Variants in LAMA5 observed in about 807,000 individuals in gnomAD.
LAMA5 encodes the protein laminin subunit alpha 5, also known as laminin subunit alpha-5.
A neutral mutation model predicts 433.4 loss-of-function variants in LAMA5; 260 were observed. The observed-to-expected ratio is 0.60, with a 90% CI of 0.54 to 0.66. The LOEUF (loss-of-function observed/expected upper bound fraction) is 0.66, where lower values mean the gene tolerates loss of function less well. Among genes scored for constraint, LAMA5 ranks in the 30% least tolerant of loss-of-function variants. The pLI, the probability that LAMA5 is intolerant of heterozygous loss-of-function variation, is 0.00. For missense variants in LAMA5, 5,378 were observed against 5,258.5 expected (o/e 1.02, Z -0.70); for synonymous variants, 2,620 against 2,226.6 (o/e 1.18, Z -4.97).
At position 62,352,072 on chromosome 20, in the gene LAMA5, A is replaced by G. The variant is rs896680027; in HGVS notation, c.695T>C (p.Val232Ala). Residue 232 changes from valine (V) to alanine (A), a missense_variant, in exon 5 of 80, where the codon GTG becomes GCG. By Grantham distance (64) the Val-to-Ala change is moderately conservative. Coordinates refer to ENST00000252999, the MANE Select transcript of LAMA5 (RefSeq NM_005560.6). Reference protein sequence around the residue: ...IVPLENGEIVVSLVNGRPGAM... With the variant: ...IVPLENGEIVASLVNGRPGAM... Reference sequence around the variant, plus strand: ...GCCCGGACGTCCGTTCACCAGGGACACCACGATCTGTGGGCAGTATGCGGT... The same window carrying G: ...GCCCGGACGTCCGTTCACCAGGGACGCCACGATCTGTGGGCAGTATGCGGT... 1.2e-6 allele frequency: 2 copies of G among 1,610,576 alleles called. No individual in the cohort carries two copies. The highest frequency in any genetic ancestry group is 1.1e-5 in the South Asian group (1 of 90,858).
At chr20:62,352,481 G>A (rs747689220) in intron 3 of LAMA5, 121 bp from the exon 4 acceptor site, 53 of 727,964 alleles carry the variant, frequency 7.3e-5, no homozygotes, top group South Asian at 1.4e-4. Context: ...CCAAGAGGCC[G>A]CGTGACAGAG....
chr20:62,327,693 G>A (rs1352463602), intron 36 of LAMA5, 24 bp from the exon 37 acceptor site: 20 of 1,606,230 alleles, frequency 1.2e-5, no homozygotes, highest in Non-Finnish European at 1.7e-5. Context: ...GACAGTGAGA[G>A]TGGTCGGCAG....
intron 23 of LAMA5, 87 bp downstream of exon 23, chr20:62,333,814 G>C (rs1321149390): frequency 6.8e-7 from 1 of 1,464,078 alleles, no homozygotes; most frequent in Non-Finnish European, 9.2e-7. Flanking sequence ...ACATGAGCCA[G>C]AGGAAGGTGG....
intron 11 of LAMA5, 31 bp from the exon 12 acceptor site, chr20:62,338,639 A>T (rs776911980): frequency 1.3e-6 from 2 of 1,592,240 alleles, no homozygotes; most frequent in Admixed American, 3.5e-5. Context: ...GGGGAGTCTC[A>T]GATGCCCTGC....
At chr20:62,340,286 T>G (rs1204346487) in intron 11 of LAMA5, among the ~76,000 whole-genome samples, 1 of 146,588 alleles carries the variant, frequency 6.8e-6, no homozygotes, top group African/African-American at 2.5e-5. Flanking sequence ...TTGAAGAGCA[T>G]AATGAACAAG....
At chr20:62,346,346 A>T (rs905436689) in intron 9 of LAMA5, 131 bp from the exon 10 acceptor site, 1 of 1,395,534 alleles carries the variant, frequency 7.2e-7, no homozygotes, top group African/African-American at 1.4e-5. Context: ...CCCTGGGGGG[A>T]CATGAGGGCT....
chr20:62,334,148 T>C (rs1175465100), intron 22 of LAMA5, 38 bp downstream of exon 22: 2 of 1,602,682 alleles, frequency 1.2e-6, no homozygotes, highest in Admixed American at 3.4e-5. Flanking sequence ...CTGGCTCCAC[T>C]TCTAGGCTGA....
At chr20:62,320,438 C>A in intron 50 of LAMA5, 121 bp downstream of exon 50, 1 of 713,106 alleles carries the variant, frequency 1.4e-6, no homozygotes, top group Non-Finnish European at 2.4e-6. Flanking sequence ...TCTCGAGCTC[C>A]TGTCCCCTGC....
rs1470679845 is a variant in LAMA5 at position 62,325,193 on chromosome 20, G to A, written c.5529+123C>T. Reference sequence around the variant, plus strand: ...CAGCAGCCTGTGAAAAGCAGGGGCAGGAAGAGAGGTGAGTAGGGTGACAGG... The same window carrying A: ...CAGCAGCCTGTGAAAAGCAGGGGCAAGAAGAGAGGTGAGTAGGGTGACAGG... On this transcript the variant is annotated intron_variant, in intron 41 of 79. Coordinates refer to ENST00000252999, the MANE Select transcript of LAMA5 (RefSeq NM_005560.6). 4 of 664,340 alleles carry A rather than the reference G, an allele frequency of 6.0e-6. No homozygotes were observed. In the South Asian group the frequency reaches 8.2e-5, roughly 14 times the overall value. The allele number at this position is 664,340 out of a possible 1,614,324, so 41.2% of individuals were successfully genotyped here.
rs1987470707 is a variant in LAMA5, at chr20:62,319,765, A to G, written c.6790T>C (p.Leu2264=). Residue 2264 remains leucine, a synonymous_variant, in exon 51 of 80, where the codon TTG becomes CTG. Coordinates refer to ENST00000252999, the MANE Select transcript of LAMA5 (RefSeq NM_005560.6). ...AGTGTGGCCTCGGTGCCGGCCAGCA[A>G]TTGGCTCGCCTGGTCTCGGGTCCCC... ...AVGTRDQASQ[L]LAGTEATLGH... is the part of the protein sequence containing the mutation. 6.5e-7 allele frequency: 1 copy of G among 1,548,226 alleles called. No individual in the cohort carries two copies. The highest frequency in any genetic ancestry group is 8.7e-7 in the Non-Finnish European group (1 of 1,146,902).
In LAMA5 at chr20:62,315,963, G is replaced by A; in HGVS notation, c.7852C>T (p.Leu2618Phe). The stretch of plus-strand genomic sequence containing the variant: ...CTCCGCATACCTGTGTCCATGGCAA[G>A]CATGGCCTGCGCCGCCTGGATGTGC... Reference protein sequence around the residue: ...EAHIQAAQAMLAMDTDETSKK... With the variant: ...EAHIQAAQAMFAMDTDETSKK... Residue 2618 changes from leucine (L) to phenylalanine (F), a missense_variant, in exon 58 of 80, where the codon CTT (leucine) becomes TTT (phenylalanine). Leu to Phe is a conservative substitution (Grantham distance 22). Coordinates refer to ENST00000252999, the MANE Select transcript of LAMA5 (RefSeq NM_005560.6). 6.2e-7 allele frequency: 1 copy of A among 1,603,106 alleles called. No individual in the cohort carries two copies. The highest frequency in any genetic ancestry group is 1.1e-5 in the South Asian group (1 of 89,874).
intron 1 of LAMA5, among the ~76,000 whole-genome samples, chr20:62,362,878 G>T (rs956900574): frequency 6.6e-6 from 1 of 151,808 alleles, no homozygotes; most frequent in African/African-American, 2.4e-5. Flanking sequence ...TAAGGGGGGG[G>T]GTGTGCTCTA....
At chr20:62,319,858 G>T (rs1385979575) in intron 50 of LAMA5, 63 bp from the exon 51 acceptor site, 3 of 1,354,324 alleles carry the variant, frequency 2.2e-6, no homozygotes, top group Non-Finnish European at 3.1e-6. Context: ...GGCAAGGGAG[G>T]GCCTGGGGTC....
intron 30 of LAMA5, 62 bp downstream of exon 30, chr20:62,330,681 C>T: frequency 6.4e-7 from 1 of 1,560,232 alleles, no homozygotes; most frequent in Non-Finnish European, 8.7e-7. Context: ...ACAACCTGCC[C>T]TGGGTTGGGA....
intron 28 of LAMA5, among the ~76,000 whole-genome samples, chr20:62,332,051 CAAA>C (rs1160149059): frequency 1.8e-5 from 2 of 113,288 alleles, no homozygotes; most frequent in Admixed American, 9.3e-5. Flanking sequence ...GACTCCATTT[CAAA>C]AAAAAAAAAA....
At chr20:62,348,495 T>C (rs1415322144) in intron 6 of LAMA5, among the ~76,000 whole-genome samples, 1 of 151,996 alleles carries the variant, frequency 6.6e-6, no homozygotes, top group South Asian at 2.1e-4. Context: ...TAGTCCCAGC[T>C]ACTCAGGAGG....
At chr20:62,362,135 C>A (rs1986194228) in intron 2 of LAMA5, among the ~76,000 whole-genome samples, 1 of 152,240 alleles carries the variant, frequency 6.6e-6, no homozygotes, top group African/African-American at 2.4e-5. Context: ...GCACCCGCAA[C>A]CAAACTCTGT....
chr20:62,332,449 G>C lies in LAMA5; in HGVS notation c.3475C>G (p.Gln1159Glu), dbSNP rs762098388. Residue 1159 changes from glutamine to glutamate, a missense_variant, in exon 28 of 80, where the codon CAG becomes GAG. By Grantham distance (29) the Gln-to-Glu change is conservative (BLOSUM62 2). Transcript: ENST00000252999. Reference protein sequence around the residue: ...TLCRGTARDTQDHLAVFHLDS... With the variant: ...TLCRGTARDTEDHLAVFHLDS... The stretch of plus-strand genomic sequence containing the variant: ...AGGTGGAAGACAGCCAGGTGGTCCT[G>C]GGTATCCCGGGCAGTGCCCCGGCAC... 2.5e-5 allele frequency: 41 copies of C among 1,612,586 alleles called. No homozygotes were observed. The highest frequency in any genetic ancestry group is 3.3e-5 in the Non-Finnish European group (39 of 1,179,962).
Position 62,338,160 on chromosome 20 carries a change from G to C in LAMA5, c.1757-10C>G, listed in dbSNP as rs779249015. On this transcript the variant is annotated splice_polypyrimidine_tract_variant and intron_variant, in intron 13 of 79. Coordinates refer to ENST00000252999, the MANE Select transcript of LAMA5 (RefSeq NM_005560.6). ...GGGCTGCAGCCACACACTGCAGAGC[G>C]GAGCGGGTGTCACGGTAGGCCAGGC... 14 of 1,571,966 alleles carry C rather than the reference G, an allele frequency of 8.9e-6. No homozygotes were observed. The highest frequency in any genetic ancestry group is 1.1e-5 in the Non-Finnish European group (13 of 1,156,028).
Sources: gnomAD v4.1 joint callset for allele counts (sites outside exome capture counted in the v4.1 genomes callset) on GRCh38, gnomAD v4.1.1 for gene constraint, MANE v1.5 for transcripts, NCBI Gene and HGNC (gene_info 2026-07-23, HGNC 2026-07-21) for gene names.